The following PDE4B variants were observed in gnomAD, a reference collection of about 807,000 sequenced individuals.
PDE4B encodes phosphodiesterase 4B, also known as 3',5'-cyclic-AMP phosphodiesterase 4B.
PDE4B carries 20 observed loss-of-function variants against 82.2 expected under a neutral mutation model. The observed-to-expected ratio is 0.24, with a 90% CI of 0.17 to 0.35. The LOEUF (loss-of-function observed/expected upper bound fraction) is 0.35, where lower values mean the gene tolerates loss of function less well. Ranked by LOEUF, PDE4B falls within the 10% of genes least tolerant of loss-of-function variation. The probability of loss-of-function intolerance (pLI) is 1.00; values close to 1 mark genes in which losing one functional copy is unlikely to be tolerated. For missense variants in PDE4B, 655 were observed against 907.2 expected (o/e 0.72, Z 3.57); for synonymous variants, 320 against 318.9 (o/e 1.00, Z -0.04).
intron 3 of PDE4B, among the ~76,000 whole-genome samples, chr1:66,191,827 G>A (rs1365473421): frequency 3.3e-5 from 5 of 152,144 alleles, no homozygotes; most frequent in African/African-American, 4.8e-5. Flanking sequence ...TCACATAGCA[G>A]CAGACCAGGG....
intron 3 of PDE4B, among the ~76,000 whole-genome samples, chr1:66,130,646 G>T (rs1337601176): frequency 1.3e-5 from 2 of 152,138 alleles, no homozygotes; most frequent in South Asian, 2.1e-4. Flanking sequence ...CTTCCTGGGG[G>T]CAGCCTGCAT....
intron 1 of PDE4B, among the ~76,000 whole-genome samples, chr1:65,884,138 C>A (rs1646742713): frequency 6.6e-6 from 1 of 152,030 alleles, no homozygotes; most frequent in South Asian, 2.1e-4. Flanking sequence ...TGTGTCTCTG[C>A]CAGGCTTTGG....
At chr1:66,307,280 A>G (rs772663845) in intron 7 of PDE4B, among the ~76,000 whole-genome samples, 5 of 152,184 alleles carry the variant, frequency 3.3e-5, no homozygotes, top group Non-Finnish European at 7.3e-5. Context: ...TAGGAGAAAA[A>G]TAAATGCACA....
chr1:66,157,194 C>T (rs1454020542), intron 3 of PDE4B, among the ~76,000 whole-genome samples: 1 of 152,168 alleles, frequency 6.6e-6, no homozygotes, highest in African/African-American at 2.4e-5. Flanking sequence ...TCCCTAAGTC[C>T]TCTCTTTTCT....
intron 3 of PDE4B, among the ~76,000 whole-genome samples, chr1:66,174,755 G>GCAACAACAACAACAA (rs143629032): frequency 6.7e-6 from 1 of 149,202 alleles, no homozygotes; most frequent in South Asian, 2.2e-4. Flanking sequence ...CTCAAAAAAA[G>GCAACAACAACAACAA]CAACAACAAC....
At chr1:65,878,050 CA>C (rs1279572475) in intron 1 of PDE4B, among the ~76,000 whole-genome samples, 1 of 150,534 alleles carries the variant, frequency 6.6e-6, no homozygotes, top group Non-Finnish European at 1.5e-5. Context: ...AAAAAAAAAA[CA>C]ACCTATCAAA....
At chr1:66,313,039 G>T (rs6697215) in intron 7 of PDE4B, among the ~76,000 whole-genome samples, 71,379 of 152,010 alleles carry the variant, frequency 0.47, 18,206 homozygotes, top group East Asian at 0.8. Flanking sequence ...GCAGTGTTCT[G>T]CCTGCCTCTC....
chr1:65,832,548 T>A (rs778611717), intron 1 of PDE4B, among the ~76,000 whole-genome samples: 36 of 152,178 alleles, frequency 2.4e-4, no homozygotes, highest in Non-Finnish European at 3.4e-4. Context: ...ATTCAGTGAT[T>A]CAGTTCCTAA....
At chr1:65,995,740 G>A (rs1040945886) in intron 3 of PDE4B, among the ~76,000 whole-genome samples, 27 of 152,152 alleles carry the variant, frequency 1.8e-4, no homozygotes, top group Admixed American at 3.3e-4. Flanking sequence ...TCCAAACCAT[G>A]CACTTAAGTT....
chr1:66,043,958 A>G (rs1403803201), intron 3 of PDE4B, among the ~76,000 whole-genome samples: 4 of 151,808 alleles, frequency 2.6e-5, no homozygotes, highest in African/African-American at 9.7e-5. Flanking sequence ...AACTAAAACA[A>G]ACAAAAAATT....
At chr1:65,878,504 G>A (rs1458211131) in intron 1 of PDE4B, among the ~76,000 whole-genome samples, 2 of 152,138 alleles carry the variant, frequency 1.3e-5, no homozygotes, top group East Asian at 3.8e-4. Flanking sequence ...ATGTTAGACT[G>A]GATAAAGAAA....
At chr1:65,798,238 CTTTTTTTTTTTTTTTTTTTTT>C (rs781315273) in intron 1 of PDE4B, among the ~76,000 whole-genome samples, 1 of 22,670 alleles carries the variant, frequency 4.4e-5, no homozygotes. Flanking sequence ...CCAGGCTAGT[CTTTTTTTTTTTTTTTTTTTTT>C]TTTTTTTTTT....
chr1:66,080,264 A>C (rs1372150983), intron 3 of PDE4B, among the ~76,000 whole-genome samples: 1 of 152,150 alleles, frequency 6.6e-6, no homozygotes, highest in Non-Finnish European at 1.5e-5. Flanking sequence ...AAGTGTTACC[A>C]ACCAAATTCC....
chr1:66,295,950 ACTGT>A (rs1657480615), intron 7 of PDE4B, among the ~76,000 whole-genome samples: 1 of 151,960 alleles, frequency 6.6e-6, no homozygotes, highest in South Asian at 2.1e-4. Flanking sequence ...CGAACACCAT[ACTGT>A]CTTTCACTTC....
chr1:65,801,155 A>G (rs1645690490), intron 1 of PDE4B, among the ~76,000 whole-genome samples: 1 of 152,174 alleles, frequency 6.6e-6, no homozygotes, highest in African/African-American at 2.4e-5. Context: ...TCCATAGAGC[A>G]TGGATGATCC....
At chr1:66,103,621 T>C (rs911287794) in intron 3 of PDE4B, among the ~76,000 whole-genome samples, 5 of 152,012 alleles carry the variant, frequency 3.3e-5, no homozygotes, top group African/African-American at 1.2e-4. Flanking sequence ...GGTATAAAAC[T>C]CACAGGTAAA....
intron 3 of PDE4B, among the ~76,000 whole-genome samples, chr1:66,156,203 G>A (rs1258639933): frequency 6.6e-6 from 1 of 152,176 alleles, no homozygotes; most frequent in African/African-American, 2.4e-5. Context: ...GAATGAGTGA[G>A]TGAAAGGAAC....
intron 1 of PDE4B, among the ~76,000 whole-genome samples, chr1:65,861,356 G>A (rs1646452128): frequency 6.6e-6 from 1 of 152,146 alleles, no homozygotes; most frequent in African/African-American, 2.4e-5. Context: ...TCAGATGGCT[G>A]TAGATGTGTG....
At chr1:65,811,910 T>C (rs1007245993) in intron 1 of PDE4B, among the ~76,000 whole-genome samples, 2 of 151,776 alleles carry the variant, frequency 1.3e-5, no homozygotes, top group African/African-American at 4.8e-5. Context: ...TTACATGAAA[T>C]ATAAAATATA....
Sources: allele counts gnomAD v4.1 joint callset (sites outside exome capture counted in the v4.1 genomes callset), GRCh38; gene constraint gnomAD v4.1.1; transcripts MANE v1.5; gene names NCBI Gene and HGNC (gene_info 2026-07-23, HGNC 2026-07-21).